POT1: variants seen among roughly 807,000 people sequenced by gnomAD.
POT1 encodes the protein protection of telomeres 1.
Under a neutral mutation model 78.5 loss-of-function variants are expected in POT1, and 47 were observed. The ratio of observed to expected loss-of-function variants is 0.60; its 90% CI spans 0.47 to 0.76. The LOEUF is 0.76. POT1 is among the 30% of genes least tolerant of loss of function. The pLI, the probability that POT1 is intolerant of heterozygous loss-of-function variation, is 0.00. For synonymous variants in POT1, 259 were observed against 260.7 expected, an observed-to-expected ratio of 0.99 and a Z score of 0.06; for missense variants, 646 against 749.9, an observed-to-expected ratio of 0.86 and a Z score of 1.62.
intron 2 of POT1, among the ~76,000 whole-genome samples, chr7:124,927,463 G>A (rs984802691): frequency 3.9e-5 from 6 of 152,130 alleles, no homozygotes; most frequent in African/African-American, 1.4e-4. Context: ...TATACAAAGA[G>A]ATTACATATA....
chr7:124,876,548 A>G (rs1184291247), intron 6 of POT1, among the ~76,000 whole-genome samples: 1 of 152,184 alleles, frequency 6.6e-6, no homozygotes, highest in Non-Finnish European at 1.5e-5. Context: ...CTCTTTATGG[A>G]TATCTGGATA....
At chr7:124,879,455 A>C (rs779166614) in intron 6 of POT1, among the ~76,000 whole-genome samples, 15 of 152,200 alleles carry the variant, frequency 9.9e-5, no homozygotes, top group Non-Finnish European at 1.9e-4. Context: ...GGGAAAAATA[A>C]TAATAGGCCA....
chr7:124,841,821 C>A (rs185909781), intron 13 of POT1, among the ~76,000 whole-genome samples: 341 of 151,898 alleles, frequency 2.2e-3, no homozygotes, highest in Non-Finnish European at 4.2e-3. Context: ...TTTTACAAAG[C>A]TGTATGATTT....
At chr7:124,917,878 A>G (rs1797056616) in intron 2 of POT1, among the ~76,000 whole-genome samples, 1 of 152,168 alleles carries the variant, frequency 6.6e-6, no homozygotes, top group Non-Finnish European at 1.5e-5. Flanking sequence ...TAGCACCTGG[A>G]GAAGAAAACT....
intron 9 of POT1, among the ~76,000 whole-genome samples, chr7:124,855,916 T>C (rs991026428): frequency 2.0e-5 from 3 of 152,100 alleles, no homozygotes; most frequent in Non-Finnish European, 4.4e-5. Context: ...AGTAGGGATT[T>C]AGAAAGTAAA....
chr7:124,826,725 C>G (rs1190347829), intron 17 of POT1, among the ~76,000 whole-genome samples: 5 of 152,128 alleles, frequency 3.3e-5, no homozygotes, highest in Non-Finnish European at 7.3e-5. Context: ...CAAAAATTAG[C>G]TGGGCGTGGT....
At chr7:124,884,375 T>C (rs1008337238) in intron 6 of POT1, among the ~76,000 whole-genome samples, 7 of 152,148 alleles carry the variant, frequency 4.6e-5, no homozygotes, top group Non-Finnish European at 1.5e-5. Context: ...AGTAAGTAGC[T>C]AAAACAGAAG....
At chr7:124,892,225 G>T in intron 6 of POT1, 41 bp downstream of exon 6, 1 of 1,199,160 alleles carries the variant, frequency 8.3e-7, no homozygotes, top group Non-Finnish European at 1.2e-6. Context: ...AATCAATAAT[G>T]CATTTCCACT....
chr7:124,846,488 C>T (rs1267078292), intron 12 of POT1, among the ~76,000 whole-genome samples: 2 of 151,622 alleles, frequency 1.3e-5, no homozygotes, highest in African/African-American at 4.9e-5. Context: ...GATAGACACA[C>T]TATCATTACT....
chr7:124,880,134 C>G (rs934642487), intron 6 of POT1, among the ~76,000 whole-genome samples: 5 of 151,976 alleles, frequency 3.3e-5, no homozygotes, highest in African/African-American at 1.2e-4. Flanking sequence ...AGCAATTTCA[C>G]AGTGAAACAA....
At chr7:124,843,037 T>C (rs1423015302) in intron 12 of POT1, 74 bp from the exon 13 acceptor site, 3 of 1,019,648 alleles carry the variant, frequency 2.9e-6, no homozygotes, top group Non-Finnish European at 4.1e-6. Context: ...GAACCAAATA[T>C]ATACTATAAA....
chr7:124,872,839 C>G (rs1444344184), intron 6 of POT1, among the ~76,000 whole-genome samples: 1 of 152,176 alleles, frequency 6.6e-6, no homozygotes, highest in Non-Finnish European at 1.5e-5. Context: ...CAAATGTTAT[C>G]TTTTCTTCAC....
chr7:124,874,559 C>G (rs1224107243), intron 6 of POT1, among the ~76,000 whole-genome samples: 1 of 151,746 alleles, frequency 6.6e-6, no homozygotes, highest in Non-Finnish European at 1.5e-5. Flanking sequence ...GTGGTGAAAC[C>G]CCACCTCTAC....
chr7:124,867,477 C>G (rs1231941762), intron 7 of POT1, among the ~76,000 whole-genome samples: 1 of 152,076 alleles, frequency 6.6e-6, no homozygotes, highest in African/African-American at 2.4e-5. Context: ...TTCTCCAATA[C>G]CATGCTCATT....
At chr7:124,888,077 T>C (rs1428980215) in intron 6 of POT1, among the ~76,000 whole-genome samples, 1 of 152,138 alleles carries the variant, frequency 6.6e-6, no homozygotes, top group Non-Finnish European at 1.5e-5. Context: ...ACCTTTCCCC[T>C]GTTTTATTCC....
intron 2 of POT1, among the ~76,000 whole-genome samples, chr7:124,923,893 AC>A (rs1186117544): frequency 1.5e-5 from 2 of 135,742 alleles, no homozygotes; most frequent in African/African-American, 3.2e-5. Context: ...AAGTGCTCAA[AC>A]AAACAAACAA....
At chr7:124,917,765 TTA>T (rs1189435573) in intron 2 of POT1, among the ~76,000 whole-genome samples, 2 of 151,978 alleles carry the variant, frequency 1.3e-5, no homozygotes, top group Non-Finnish European at 2.9e-5. Context: ...AAATATAAAG[TTA>T]TAGTTATTGG....
intron 2 of POT1, among the ~76,000 whole-genome samples, chr7:124,926,688 A>C (rs1378966227): frequency 6.6e-6 from 1 of 152,142 alleles, no homozygotes; most frequent in Non-Finnish European, 1.5e-5. Flanking sequence ...ACCAAAGTGT[A>C]CATCGATGGA....
chr7:124,825,564 C>A (rs574878749), intron 17 of POT1, among the ~76,000 whole-genome samples: 1 of 151,720 alleles, frequency 6.6e-6, no homozygotes. Context: ...TTGAGATACA[C>A]GTAATCAAGT....
Sources: allele counts gnomAD v4.1 joint callset (sites outside exome capture counted in the v4.1 genomes callset), GRCh38; gene constraint gnomAD v4.1.1; transcripts MANE v1.5; gene names NCBI Gene and HGNC (gene_info 2026-07-23, HGNC 2026-07-21).